Variants in PAQR3 observed in about 807,000 individuals in gnomAD.
PAQR3 encodes Raf kinase trapping to Golgi.
Under a neutral mutation model 41.7 loss-of-function variants are expected in PAQR3, and 39 were observed. That is an observed-to-expected ratio of 0.93 (90% confidence interval 0.72 to 1.22). PAQR3 has a LOEUF of 1.22. PAQR3 is among the 50% of genes most tolerant of loss of function. The pLI is 0.00. For synonymous variants in PAQR3, 140 were observed against 140.6 expected (o/e 1.00, Z 0.03); for missense variants, 366 against 385.6 (o/e 0.95, Z 0.42).
In PAQR3 at chr4:78,933,215, G is replaced by A. The variant is rs112437524; in HGVS notation, c.348+1906C>T. 33 of 456,188 alleles carry A rather than the reference G, an allele frequency of 7.2e-5. 1 individual carries two copies. Among genetic ancestry groups the A allele is most frequent in the South Asian group, 3.4e-4 (22 of 64,572 alleles). 28.3% of individuals were successfully genotyped at this position (456,188 alleles called of 1,614,324 possible). A position where few individuals can be genotyped will look rare whatever the true frequency, so the allele number is the denominator to read the frequency against. On this transcript the variant is annotated intron_variant, in intron 2 of 5. Coordinates refer to ENST00000512733, the MANE Select transcript of PAQR3 (RefSeq NM_001040202.2). ...TGGTTCTGTTCAGCACTGTTTTACC[G>A]ATGCCTTGTATAGTGTCTGGATGTA...
At chr4:78,921,355 TATA>T (rs1159602081) in intron 5 of PAQR3, among the ~76,000 whole-genome samples, 2 of 151,950 alleles carry the variant, frequency 1.3e-5, no homozygotes, top group African/African-American at 4.8e-5. Flanking sequence ...AATACAGAGC[TATA>T]ATAATTTCAA....
chr4:78,927,978 C>T (rs1454898216), intron 3 of PAQR3, among the ~76,000 whole-genome samples: 4 of 152,156 alleles, frequency 2.6e-5, no homozygotes, highest in Non-Finnish European at 4.4e-5. Context: ...TATAGGTCTA[C>T]AGCAACTGAG....
chr4:78,888,402 T>C (rs1457112843), intron 11 of PAQR3, among the ~76,000 whole-genome samples: 1 of 152,212 alleles, frequency 6.6e-6, no homozygotes, highest in Non-Finnish European at 1.5e-5. Context: ...TAACTCAAAA[T>C]AGTCATTGTA....
rs549706896 is a variant in PAQR3 at position 78,922,105 on chromosome 4, G to T, written c.794-1424C>A. 12 of 1,034,838 alleles carry T rather than the reference G, an allele frequency of 1.2e-5. No homozygotes were observed. In the South Asian group the frequency reaches 3.6e-4, roughly 31 times the overall value. The allele number at this position is 1,034,838 out of a possible 1,614,324, so 64.1% of individuals were successfully genotyped here. A position where few individuals can be genotyped will look rare whatever the true frequency, so the allele number is the denominator to read the frequency against. ...TAAAGAAAATACAGAATTTTAAAAA[G>T]AATTATTAATAAAGTGATACAAAAA... On this transcript the variant is annotated intron_variant, in intron 5 of 5. Transcript: ENST00000512733.
At position 78,912,229 on chromosome 4, in the gene PAQR3, A is replaced by C. The variant is rs1734677519; in HGVS notation, c.*8310T>G. ...GTAACTTGATTCCTCTTCAGGAGAA[A>C]AGGGAGCTAAATTGCAAGCTCTAAC... On this transcript the variant is annotated 3_prime_UTR_variant, in exon 6 of 6. Transcript: ENST00000512733. 1.9e-6 allele frequency: 1 copy of C among 536,020 alleles called. No individual in the cohort carries two copies. The highest frequency in any genetic ancestry group is 1.9e-5 in the African/African-American group (1 of 52,282). 33.2% of individuals were successfully genotyped at this position (536,020 alleles called of 1,614,324 possible).
intron 5 of PAQR3, chr4:78,922,376 G>C: frequency 3.9e-6 from 5 of 1,288,594 alleles, no homozygotes; most frequent in Non-Finnish European, 4.0e-6. Context: ...CCCAACACAC[G>C]TGACGAGTGG....
At chr4:78,911,348 C>T, downstream of PAQR3, 2 of 1,613,764 alleles carry the variant, frequency 1.2e-6, no homozygotes, top group East Asian at 2.2e-5. Flanking sequence ...GTATTTGGCT[C>T]CACTCCATTT....
At position 78,916,722 on chromosome 4, in the gene PAQR3, A is replaced by ATCTT; in HGVS notation, c.*3813_*3816dup. On this transcript the variant is annotated 3_prime_UTR_variant, in exon 6 of 6. Coordinates refer to ENST00000512733, the MANE Select transcript of PAQR3 (RefSeq NM_001040202.2). Reference sequence around the variant, plus strand: ...GCTTCCACATTATAAATTTTTAAAAATCTTTAAAACTGATAACATCTTTGG... The same window carrying ATCTT: ...GCTTCCACATTATAAATTTTTAAAAATCTTTCTTTAAAACTGATAACATCTTTGG... The ATCTT allele has an allele frequency of 6.6e-6, 1 of 152,034 alleles. No homozygotes were observed. Among genetic ancestry groups the ATCTT allele is most frequent in the African/African-American group, 2.4e-5 (1 of 41,538 alleles). 9.4% of individuals were successfully genotyped at this position (152,034 alleles called of 1,614,324 possible). A position where few individuals can be genotyped will look rare whatever the true frequency, so the allele number is the denominator to read the frequency against.
chr4:78,906,428 T>C (rs965004527), intron 10 of PAQR3, among the ~76,000 whole-genome samples: 6 of 152,196 alleles, frequency 3.9e-5, no homozygotes, highest in Non-Finnish European at 5.9e-5. Context: ...CCCGTACTAT[T>C]TGCAGATGTA....
At position 78,915,458 on chromosome 4, in the gene PAQR3, CT is replaced by C. The variant is rs1205844912; in HGVS notation, c.*5080del. 1.3e-5 allele frequency: 2 copies of C among 151,754 alleles called. No homozygotes were observed. The allele number at this position is 151,754 out of a possible 1,614,324, so 9.4% of individuals were successfully genotyped here. A position where few individuals can be genotyped will look rare whatever the true frequency, so the allele number is the denominator to read the frequency against. On this transcript the variant is annotated 3_prime_UTR_variant, in exon 6 of 6. Coordinates refer to ENST00000512733, the MANE Select transcript of PAQR3 (RefSeq NM_001040202.2). Reference sequence around the variant, plus strand: ...TAATATATTTAGAATGTGCAGTAAACTTTTTTCTCATTTTTTTTTCTTTTTA... The same window carrying C: ...TAATATATTTAGAATGTGCAGTAAACTTTTTCTCATTTTTTTTTCTTTTTA...
intron 11 of PAQR3, among the ~76,000 whole-genome samples, chr4:78,892,688 A>G (rs1202495318): frequency 6.6e-6 from 1 of 152,214 alleles, no homozygotes; most frequent in Non-Finnish European, 1.5e-5. Context: ...AAAAGTGAAT[A>G]TTTTGCAATA....
In PAQR3 at chr4:78,918,983, A is replaced by G; in HGVS notation, c.*1556T>C. ...ATTTTCAAAGCAGCCTTCCATCATA[A>G]CGATGGGTAAGACACGGTATTCCTT... On this transcript the variant is annotated 3_prime_UTR_variant, in exon 6 of 6. Transcript: ENST00000512733. The G allele has an allele frequency of 1.0e-6, 1 of 985,082 alleles. No homozygotes were observed. The highest frequency in any genetic ancestry group is 4.7e-5 in the South Asian group (1 of 21,280). The allele number at this position is 985,082 out of a possible 1,614,324, so 61.0% of individuals were successfully genotyped here.
intron 11 of PAQR3, among the ~76,000 whole-genome samples, chr4:78,894,812 C>T (rs1733621162): frequency 1.3e-5 from 2 of 152,160 alleles, no homozygotes; most frequent in African/African-American, 4.8e-5. Flanking sequence ...ATTTCTAACT[C>T]TTGATTTAAA....
chr4:78,899,896 AAGGT>A lies in PAQR3; in HGVS notation c.*836+6208_*836+6211del, dbSNP rs1191652171. 2.0e-5 allele frequency among the ~76,000 whole-genome samples: 3 copies of A among 152,170 alleles called. No individual in the cohort carries two copies. The South Asian group carries it at 6.2e-4, about 32-fold the overall frequency. ...AGTCCAGCTGTGCTGAGAACAGAGA[AAGGT>A]AGGTAGGTAAGGATTAAGGGAAGAA... On this transcript the variant is annotated intron_variant and NMD_transcript_variant, in intron 11 of 12. Coordinates refer to the PAQR3 transcript ENST00000342820.
intron 3 of PAQR3, among the ~76,000 whole-genome samples, chr4:78,929,037 G>A (rs1367706805): frequency 1.3e-5 from 2 of 152,198 alleles, no homozygotes; most frequent in African/African-American, 2.4e-5. Context: ...GTGGTAACGC[G>A]AGCCATGGGG....
intron 4 of PAQR3, among the ~76,000 whole-genome samples, chr4:78,925,431 C>G (rs1344056407): frequency 6.6e-6 from 1 of 152,152 alleles, no homozygotes; most frequent in East Asian, 1.9e-4. Flanking sequence ...TGTCCCTCAT[C>G]ATTACTGTCT....
chr4:78,900,697 T>C lies in PAQR3; in HGVS notation c.*836+5411A>G, dbSNP rs573735882. ...TTTCCAGACTTTTAGAAAGATTAGC[T>C]GAATATAACATTTAGATAGACTATG... is the stretch of plus-strand genomic sequence containing the variant. On this transcript the variant is annotated intron_variant and NMD_transcript_variant, in intron 11 of 12. Transcript: ENST00000342820. 3.3e-5 allele frequency among the ~76,000 whole-genome samples: 5 copies of C among 152,342 alleles called. No homozygotes were observed. In the South Asian group the frequency reaches 1.0e-3, roughly 32 times the overall value.
In PAQR3 at chr4:78,919,388, G is replaced by A. The variant is rs1024435975; in HGVS notation, c.*1151C>T. ...GACCAAAGAATAAGAGGGCTACAAT[G>A]TATGATAGGGCAGTGAGTTCTATTT... On this transcript the variant is annotated 3_prime_UTR_variant, in exon 6 of 6. Transcript: ENST00000512733. 6 of 984,176 alleles carry A rather than the reference G, an allele frequency of 6.1e-6. No homozygotes were observed. The African/African-American group carries it at 1.0e-4, about 17-fold the overall frequency. 61.0% of individuals were successfully genotyped at this position (984,176 alleles called of 1,614,324 possible).
At chr4:78,934,894 A>G (rs1020564012) in intron 2 of PAQR3, among the ~76,000 whole-genome samples, 1 of 152,208 alleles carries the variant, frequency 6.6e-6, no homozygotes, top group African/African-American at 2.4e-5. Flanking sequence ...CCCCAAAAGA[A>G]GAGGAAAGAA....
Sources: allele counts gnomAD v4.1 joint callset (sites outside exome capture counted in the v4.1 genomes callset), GRCh38; gene constraint gnomAD v4.1.1; transcripts MANE v1.5; gene names NCBI Gene and HGNC (gene_info 2026-07-23, HGNC 2026-07-21).